Variants in NEK10 observed in about 807,000 individuals in gnomAD.
NEK10 encodes the protein serine/threonine-protein kinase Nek10.
A neutral mutation model predicts 159.8 loss-of-function variants in NEK10; 122 were observed. The observed-to-expected ratio is 0.76, with a 90% confidence interval of 0.66 to 0.89. The LOEUF is 0.89. Among genes scored for constraint, NEK10 ranks in the 40% least tolerant of loss-of-function variants. The pLI, the probability that NEK10 is intolerant of heterozygous loss-of-function variation, is 0.00. For missense variants in NEK10, 1,342 were observed against 1,323.1 expected (o/e 1.01, Z -0.22); for synonymous variants, 466 against 457.1 (o/e 1.02, Z -0.25).
intron 5 of NEK10, among the ~76,000 whole-genome samples, chr3:27,332,571 T>C (rs2046496107): frequency 6.6e-6 from 1 of 152,236 alleles, no homozygotes; most frequent in East Asian, 1.9e-4. Context: ...CATAAAATTC[T>C]ACAACTTCAG....
At chr3:27,164,650 C>G (rs1056540138) in intron 29 of NEK10, among the ~76,000 whole-genome samples, 2 of 152,206 alleles carry the variant, frequency 1.3e-5, no homozygotes, top group Non-Finnish European at 2.9e-5. Context: ...CCAGTGGCCT[C>G]CATACTTAAC....
At chr3:27,328,372 G>A (rs1575766203) in intron 5 of NEK10, among the ~76,000 whole-genome samples, 1 of 152,126 alleles carries the variant, frequency 6.6e-6, no homozygotes, top group African/African-American at 2.4e-5. Flanking sequence ...AATGAGTACT[G>A]GGCATGCTAT....
At chr3:27,323,884 C>T (rs1320651123) in intron 5 of NEK10, among the ~76,000 whole-genome samples, 1 of 152,284 alleles carries the variant, frequency 6.6e-6, no homozygotes, top group Middle Eastern at 3.4e-3. Flanking sequence ...CAGAGGTGGT[C>T]ACAAGGCCTT....
At chr3:27,172,665 A>T (rs1947118194) in intron 28 of NEK10, among the ~76,000 whole-genome samples, 1 of 152,190 alleles carries the variant, frequency 6.6e-6, no homozygotes, top group South Asian at 2.1e-4. Context: ...TCAATATCTG[A>T]ATTACCCATA....
At chr3:27,129,448 C>T (rs1392666171) in intron 32 of NEK10, among the ~76,000 whole-genome samples, 1 of 152,084 alleles carries the variant, frequency 6.6e-6, no homozygotes, top group Non-Finnish European at 1.5e-5. Flanking sequence ...TAATTGGCCA[C>T]TCCTCTATGG....
intron 5 of NEK10, among the ~76,000 whole-genome samples, chr3:27,328,700 T>C (rs1419091255): frequency 2.0e-5 from 3 of 152,102 alleles, no homozygotes; most frequent in Non-Finnish European, 1.5e-5. Context: ...ATTGACATAA[T>C]CTGAAGGAGA....
intron 22 of NEK10, among the ~76,000 whole-genome samples, chr3:27,259,919 T>G (rs1251046067): frequency 3.3e-5 from 5 of 152,196 alleles, no homozygotes; most frequent in Admixed American, 2.6e-4. Context: ...TAGTTCTCCT[T>G]GAAGAGGTCC....
At chr3:27,305,435 A>G (rs1009595576) in intron 11 of NEK10, among the ~76,000 whole-genome samples, 1 of 152,022 alleles carries the variant, frequency 6.6e-6, no homozygotes, top group Admixed American at 6.6e-5. Context: ...GAGGCAGAAG[A>G]ATTGCTTGAA....
chr3:27,181,150 G>T (rs1948060991), intron 26 of NEK10, among the ~76,000 whole-genome samples: 1 of 151,974 alleles, frequency 6.6e-6, no homozygotes, highest in Non-Finnish European at 1.5e-5. Flanking sequence ...GGAGTGAGGG[G>T]CACCAATACT....
intron 30 of NEK10, among the ~76,000 whole-genome samples, chr3:27,156,431 C>T (rs557238521): frequency 7.9e-5 from 12 of 151,954 alleles, no homozygotes; most frequent in Non-Finnish European, 1.6e-4. Context: ...CTAGAATCTA[C>T]AACAAACTCA....
chr3:27,312,158 T>C lies in NEK10; in HGVS notation c.509A>G (p.Asn170Ser). Residue 170 changes from asparagine (N) to serine (S), a missense_variant, in exon 8 of 36, where the codon AAT (asparagine) becomes AGT (serine). By Grantham distance (46) the Asn-to-Ser change is conservative. Transcript: ENST00000691995. ...NLAQYMEIVANEYLGYGEEQH... is the reference protein window; with the variant it reads ...NLAQYMEIVASEYLGYGEEQH... ...CTCTTCTCCATAGCCGAGGTACTCA[T>C]TGGCTACAATCTCCATATACTGCAT... The C allele has an allele frequency of 6.2e-7, 1 of 1,611,350 alleles. No homozygotes were observed.
intron 28 of NEK10, 54 bp from the exon 29 acceptor site, chr3:27,171,927 T>A: frequency 6.5e-7 from 1 of 1,542,694 alleles, no homozygotes; most frequent in Non-Finnish European, 8.8e-7. Context: ...AAATCTTTTA[T>A]TTTTTATGTT....
chr3:27,293,542 T>C (rs535515480), intron 16 of NEK10, 46 bp downstream of exon 16: 1 of 1,001,700 alleles, frequency 1.0e-6, no homozygotes, highest in Non-Finnish European at 1.5e-6. Context: ...TTCAATCTAA[T>C]GATCTCCTAA....
intron 23 of NEK10, among the ~76,000 whole-genome samples, chr3:27,248,309 A>G (rs1030464508): frequency 6.6e-6 from 1 of 152,022 alleles, no homozygotes; most frequent in African/African-American, 2.4e-5. Flanking sequence ...TTTCCAAAAA[A>G]CAACTTTCCA....
intron 23 of NEK10, chr3:27,252,960 T>C: frequency 2.0e-6 from 1 of 490,394 alleles, no homozygotes; most frequent in South Asian, 1.5e-5. Flanking sequence ...TCTCAAAATT[T>C]TGAGTGTATT....
At chr3:27,294,045 G>A (rs181556378) in intron 15 of NEK10, among the ~76,000 whole-genome samples, 1 of 152,284 alleles carries the variant, frequency 6.6e-6, no homozygotes, top group Admixed American at 6.5e-5. Context: ...TATGGTTTCT[G>A]TGAGAAAATA....
intron 22 of NEK10, among the ~76,000 whole-genome samples, chr3:27,256,912 CTTTTTTTT>C (rs550014186): frequency 1.6e-5 from 2 of 125,118 alleles, no homozygotes; most frequent in African/African-American, 3.1e-5. Flanking sequence ...TTTTTTCTCT[CTTTTTTTT>C]TTTTTTTTTT....
intron 4 of NEK10, among the ~76,000 whole-genome samples, 155 bp from the exon 5 acceptor site, chr3:27,344,525 C>A (rs1238393900): frequency 1.3e-5 from 2 of 152,082 alleles, no homozygotes; most frequent in Non-Finnish European, 1.5e-5. Flanking sequence ...AGGAGCCTTG[C>A]GTTTAACATG....
At position 27,344,355 on chromosome 3, in the gene NEK10, A is replaced by G; in HGVS notation, c.279T>C (p.Asn93=). Residue 93 remains asparagine, a synonymous_variant, in exon 5 of 36, where the codon AAT becomes AAC. Transcript: ENST00000691995. ...ELENFSINYK[N]ERNFSKHPQR... The stretch of plus-strand genomic sequence containing the variant: ...GAGGATGTTTGCTGAAATTTCTCTC[A>G]TTCTTGTAGTTTATACTGAGACAAA... The G allele has an allele frequency of 6.4e-7, 1 of 1,571,580 alleles. No homozygotes were observed. Among genetic ancestry groups the G allele is most frequent in the East Asian group, 2.2e-5 (1 of 44,544 alleles).
Sources: gnomAD v4.1 joint callset for allele counts (sites outside exome capture counted in the v4.1 genomes callset) on GRCh38, gnomAD v4.1.1 for gene constraint, MANE v1.5 for transcripts, NCBI Gene and HGNC (gene_info 2026-07-23, HGNC 2026-07-21) for gene names.